KCTD8: variants seen among roughly 807,000 people sequenced by gnomAD.
KCTD8 encodes potassium channel tetramerization domain containing 8.
A neutral mutation model predicts 31.5 loss-of-function variants in KCTD8; 27 were observed. That is an observed-to-expected ratio of 0.86 (90% confidence interval 0.63 to 1.18). The LOEUF is 1.18. KCTD8 is among the 50% of genes most tolerant of loss of function. The pLI is 0.00. For missense variants in KCTD8, 658 were observed against 647.7 expected, an observed-to-expected ratio of 1.02 and a Z score of -0.17; for synonymous variants, 290 against 280.0, an observed-to-expected ratio of 1.04 and a Z score of -0.36.
At chr4:44,441,415 G>A (rs1036692530) in intron 1 of KCTD8, among the ~76,000 whole-genome samples, 1 of 152,078 alleles carries the variant, frequency 6.6e-6, no homozygotes, top group Non-Finnish European at 1.5e-5. Context: ...CTTCCAGCAA[G>A]ACATAAAGTA....
chr4:44,187,304 T>G (rs1713617763), intron 1 of KCTD8, among the ~76,000 whole-genome samples: 1 of 152,248 alleles, frequency 6.6e-6, no homozygotes, highest in Non-Finnish European at 1.5e-5. Flanking sequence ...CTTTATCACA[T>G]GCAAAGTTGT....
intron 1 of KCTD8, among the ~76,000 whole-genome samples, chr4:44,309,713 T>C (rs975759872): frequency 1.3e-5 from 2 of 152,132 alleles, no homozygotes; most frequent in African/African-American, 2.4e-5. Context: ...ATTGCAGATA[T>C]TGACTTGCCA....
rs576193585 is a variant in KCTD8, at chr4:44,246,968, ATTGTT to A, written c.962-71723_962-71719del. On this transcript the variant is annotated intron_variant, in intron 1 of 1. Coordinates refer to ENST00000360029, the MANE Select transcript of KCTD8 (RefSeq NM_198353.3). ...ACGATGTTCCACAGGATTGTGTCACATTGTTTTGTTTTGTTTTAACTAAACAACTC... is the reference window on the plus strand; with the variant it reads ...ACGATGTTCCACAGGATTGTGTCACATTGTTTTGTTTTAACTAAACAACTC... Among the ~76,000 whole-genome samples, 1,224 of 152,012 alleles carry A rather than the reference ATTGTT, an allele frequency of 8.1e-3. 4 individuals carry two copies. Among genetic ancestry groups the A allele is most frequent in the Non-Finnish European group, 0.013 (914 of 67,898 alleles).
rs565460102 is a variant in KCTD8 at position 44,256,999 on chromosome 4, T to A, written c.962-81749A>T. Among the ~76,000 whole-genome samples the A allele has an allele frequency of 8.6e-5, 13 of 152,016 alleles. No individual in the cohort carries two copies. The South Asian group carries it at 2.7e-3, about 32-fold the overall frequency. On this transcript the variant is annotated intron_variant, in intron 1 of 1. Coordinates refer to ENST00000360029, the MANE Select transcript of KCTD8 (RefSeq NM_198353.3). ...CCAAAATAATGTTGAAAGAAAGAGGTTCGATGTAAAAATGGTAAATACTGT... is the reference window on the plus strand; with the variant it reads ...CCAAAATAATGTTGAAAGAAAGAGGATCGATGTAAAAATGGTAAATACTGT...
At chr4:44,434,906 A>AT (rs1305850343) in intron 1 of KCTD8, among the ~76,000 whole-genome samples, 1 of 151,742 alleles carries the variant, frequency 6.6e-6, no homozygotes, top group African/African-American at 2.4e-5. Context: ...CATTCATGGG[A>AT]TTTTGTGGGA....
intron 1 of KCTD8, among the ~76,000 whole-genome samples, chr4:44,289,875 T>C (rs1025467105): frequency 6.6e-6 from 1 of 152,168 alleles, no homozygotes; most frequent in Non-Finnish European, 1.5e-5. Flanking sequence ...GTCAAGAGAC[T>C]GCAGGGCCAA....
intron 1 of KCTD8, among the ~76,000 whole-genome samples, chr4:44,224,377 T>G (rs900786697): frequency 6.6e-6 from 1 of 152,134 alleles, no homozygotes; most frequent in African/African-American, 2.4e-5. Flanking sequence ...CTCCTTTTTG[T>G]GTGTGTGTGT....
chr4:44,339,026 A>T (rs1292406020), intron 1 of KCTD8, among the ~76,000 whole-genome samples: 1 of 152,180 alleles, frequency 6.6e-6, no homozygotes, highest in Non-Finnish European at 1.5e-5. Context: ...TACTCACAAG[A>T]GCTGTCTGAA....
At chr4:44,395,534 G>C (rs1463715712) in intron 1 of KCTD8, among the ~76,000 whole-genome samples, 1 of 151,986 alleles carries the variant, frequency 6.6e-6, no homozygotes, top group Non-Finnish European at 1.5e-5. Flanking sequence ...AAAATGGATG[G>C]CACAGTTCCA....
chr4:44,332,279 G>C (rs1177678604), intron 1 of KCTD8, among the ~76,000 whole-genome samples: 1 of 151,892 alleles, frequency 6.6e-6, no homozygotes, highest in Non-Finnish European at 1.5e-5. Flanking sequence ...CAGAAACTCA[G>C]TATGTTTTGA....
At chr4:44,180,948 A>G (rs1400050462) in intron 1 of KCTD8, among the ~76,000 whole-genome samples, 1 of 152,162 alleles carries the variant, frequency 6.6e-6, no homozygotes, top group Non-Finnish European at 1.5e-5. Flanking sequence ...CTACTATGGT[A>G]TTTCAAAGAA....
intron 1 of KCTD8, among the ~76,000 whole-genome samples, chr4:44,264,596 G>A (rs534189594): frequency 5.3e-4 from 80 of 152,286 alleles, no homozygotes; most frequent in African/African-American, 1.8e-3. Flanking sequence ...TGCCTCACTC[G>A]GGAAGCGCAA....
chr4:44,354,568 A>G (rs1455299477), intron 1 of KCTD8, among the ~76,000 whole-genome samples: 3 of 152,122 alleles, frequency 2.0e-5, no homozygotes, highest in Non-Finnish European at 2.9e-5. Context: ...ATCATTTAAT[A>G]CACTCATTTT....
At chr4:44,352,566 T>C (rs928979145) in intron 1 of KCTD8, among the ~76,000 whole-genome samples, 6 of 146,138 alleles carry the variant, frequency 4.1e-5, no homozygotes, top group Non-Finnish European at 7.5e-5. Flanking sequence ...ATATTAAAAT[T>C]ATTATTTCTA....
At chr4:44,314,185 T>A (rs1447610814) in intron 1 of KCTD8, among the ~76,000 whole-genome samples, 2 of 152,162 alleles carry the variant, frequency 1.3e-5, no homozygotes, top group African/African-American at 4.8e-5. Flanking sequence ...GGATGGAGAC[T>A]TCATTCATAA....
At chr4:44,359,936 G>A (rs1316918666) in intron 1 of KCTD8, among the ~76,000 whole-genome samples, 1 of 151,920 alleles carries the variant, frequency 6.6e-6, no homozygotes. Flanking sequence ...AAAAATAAGG[G>A]ACATTATTTC....
At chr4:44,301,291 C>A (rs1240955301) in intron 1 of KCTD8, among the ~76,000 whole-genome samples, 1 of 152,138 alleles carries the variant, frequency 6.6e-6, no homozygotes, top group African/African-American at 2.4e-5. Flanking sequence ...GGAATCGCCA[C>A]ACTGACTTCC....
chr4:44,321,543 A>G (rs1428072005), intron 1 of KCTD8, among the ~76,000 whole-genome samples: 2 of 152,172 alleles, frequency 1.3e-5, no homozygotes, highest in East Asian at 1.9e-4. Flanking sequence ...TATACAATGT[A>G]TAATAATCCA....
intron 1 of KCTD8, among the ~76,000 whole-genome samples, chr4:44,226,346 CTA>C (rs1714961763): frequency 1.3e-5 from 2 of 152,098 alleles, no homozygotes; most frequent in South Asian, 4.1e-4. Context: ...TCAGCTTCAT[CTA>C]TGTCCCTGTA....
Sources: allele counts gnomAD v4.1 joint callset (sites outside exome capture counted in the v4.1 genomes callset), GRCh38; gene constraint gnomAD v4.1.1; transcripts MANE v1.5; gene names NCBI Gene and HGNC (gene_info 2026-07-23, HGNC 2026-07-21).